Variants in CFAP221 observed in about 807,000 individuals in gnomAD.
CFAP221 encodes cilia- and flagella-associated protein 221.
In CFAP221, 97 loss-of-function variants were observed where a neutral mutation model predicts 113.1. The observed-to-expected ratio is 0.86, with a 90% CI of 0.73 to 1.02. CFAP221 has a LOEUF of 1.02. Among genes scored for constraint, CFAP221 ranks in the 50% least tolerant of loss-of-function variants. CFAP221 has a pLI of 0.00. For missense variants in CFAP221, 1,025 were observed against 1,013.4 expected, an observed-to-expected ratio of 1.01 and a Z score of -0.16; for synonymous variants, 331 against 354.4, an observed-to-expected ratio of 0.93 and a Z score of 0.74.
chr2:119,560,044 G>GGT lies in CFAP221; in HGVS notation c.426+18_426+19insGT. 2.8e-6 allele frequency: 3 copies of GGT among 1,070,642 alleles called. No individual in the cohort carries two copies. Among genetic ancestry groups the GGT allele is most frequent in the Non-Finnish European group, 3.7e-6 (3 of 811,256 alleles). 66.3% of individuals were successfully genotyped at this position (1,070,642 alleles called of 1,614,324 possible). A position where few individuals can be genotyped will look rare whatever the true frequency, so the allele number is the denominator to read the frequency against. On this transcript the variant is annotated intron_variant, in intron 5 of 23. Coordinates refer to ENST00000413369, the MANE Select transcript of CFAP221 (RefSeq NM_001271049.2). Reference sequence around the variant, plus strand: ...ACTGTAAGGTAGGTCTCTTAAAATTGCTTTTTTTTTTTTTTTTTTTTGATG... The same window carrying GGT: ...ACTGTAAGGTAGGTCTCTTAAAATTGGTCTTTTTTTTTTTTTTTTTTTTGATG...
At chr2:119,631,159 C>A in intron 19 of CFAP221, 2 of 908,238 alleles carry the variant, frequency 2.2e-6, no homozygotes, top group South Asian at 9.7e-5. Flanking sequence ...ACATATAGGC[C>A]AAAGAAGAAA....
intron 14 of CFAP221, among the ~76,000 whole-genome samples, chr2:119,619,067 A>C (rs1188297994): frequency 1.3e-5 from 2 of 152,180 alleles, no homozygotes; most frequent in Non-Finnish European, 2.9e-5. Flanking sequence ...GCATCTCTGA[A>C]AGAAAGGCAG....
chr2:119,615,457 A>G (rs1685457782), intron 13 of CFAP221, among the ~76,000 whole-genome samples, 154 bp from the exon 14 acceptor site: 1 of 152,166 alleles, frequency 6.6e-6, no homozygotes, highest in South Asian at 2.1e-4. Flanking sequence ...AATGCTGTGT[A>G]CACTAAAAGT....
intron 13 of CFAP221, among the ~76,000 whole-genome samples, chr2:119,612,101 CAA>C (rs1376729021): frequency 6.6e-6 from 1 of 152,158 alleles, no homozygotes; most frequent in Non-Finnish European, 1.5e-5. Flanking sequence ...AGAAAGGATA[CAA>C]AGTCAGAAGT....
intron 13 of CFAP221, among the ~76,000 whole-genome samples, chr2:119,614,995 ATCT>A (rs901803044): frequency 3.3e-5 from 5 of 152,078 alleles, no homozygotes; most frequent in African/African-American, 1.2e-4. Context: ...TGTATAACTG[ATCT>A]TCTTCCCTCT....
intron 11 of CFAP221, among the ~76,000 whole-genome samples, chr2:119,605,643 G>A (rs1268089029): frequency 1.3e-5 from 2 of 152,170 alleles, no homozygotes; most frequent in African/African-American, 2.4e-5. Context: ...GCCTTGGGCT[G>A]TGTGCCCCAG....
intron 14 of CFAP221, among the ~76,000 whole-genome samples, chr2:119,617,375 G>C (rs186317040): frequency 7.7e-4 from 118 of 152,328 alleles, no homozygotes; most frequent in Non-Finnish European, 1.4e-3. Context: ...GACATGCTCA[G>C]GGCAGGGAGC....
chr2:119,563,261 C>CA (rs1271440821), intron 6 of CFAP221, among the ~76,000 whole-genome samples: 1 of 152,194 alleles, frequency 6.6e-6, no homozygotes, highest in Non-Finnish European at 1.5e-5. Flanking sequence ...ACAATGTAAA[C>CA]ACTATGTAAA....
intron 14 of CFAP221, among the ~76,000 whole-genome samples, chr2:119,616,594 A>G (rs372559247): frequency 2.6e-5 from 4 of 152,170 alleles, no homozygotes; most frequent in African/African-American, 9.7e-5. Flanking sequence ...TATGCCAGTA[A>G]AGGGTGTCAT....
intron 7 of CFAP221, among the ~76,000 whole-genome samples, chr2:119,588,675 TTGTC>T (rs200065973): frequency 0.012 from 1,803 of 152,308 alleles, 17 homozygotes; most frequent in Middle Eastern, 0.027. Context: ...ATGAGATACT[TTGTC>T]TGATTCATCA....
chr2:119,605,120 T>C (rs962210446), intron 10 of CFAP221, 61 bp from the exon 11 acceptor site: 17 of 1,516,758 alleles, frequency 1.1e-5, no homozygotes, highest in Admixed American at 1.7e-5. Context: ...AATGTGTTTT[T>C]CTCTCCGCAC....
intron 6 of CFAP221, among the ~76,000 whole-genome samples, chr2:119,574,665 G>T (rs1482971311): frequency 6.6e-6 from 1 of 152,088 alleles, no homozygotes; most frequent in Non-Finnish European, 1.5e-5. Context: ...TGCTTCTGCT[G>T]CAGCAGCCCA....
At chr2:119,563,343 G>A (rs1681395384) in intron 6 of CFAP221, among the ~76,000 whole-genome samples, 1 of 152,146 alleles carries the variant, frequency 6.6e-6, no homozygotes, top group Non-Finnish European at 1.5e-5. Flanking sequence ...TACAGAGATA[G>A]CCATCCATTG....
intron 5 of CFAP221, among the ~76,000 whole-genome samples, chr2:119,561,144 G>A (rs1211359579): frequency 6.6e-6 from 1 of 151,978 alleles, no homozygotes; most frequent in Admixed American, 6.6e-5. Context: ...CAAAAAATTA[G>A]CCAGGCCTAG....
chr2:119,547,422 G>A (rs1680125494), intron 2 of CFAP221, among the ~76,000 whole-genome samples: 1 of 152,082 alleles, frequency 6.6e-6, no homozygotes, highest in Non-Finnish European at 1.5e-5. Context: ...AGCTGTGTGT[G>A]GTGGCAGGCG....
At chr2:119,641,828 T>C (rs540120824) in intron 21 of CFAP221, among the ~76,000 whole-genome samples, 1 of 152,276 alleles carries the variant, frequency 6.6e-6, no homozygotes, top group South Asian at 2.1e-4. Context: ...AGAACTGACC[T>C]ATGCAGTCAG....
rs747923361 is a variant in CFAP221 at position 119,638,223 on chromosome 2, A to C, written c.1975-36A>C. On this transcript the variant is annotated intron_variant, in intron 19 of 23. Coordinates refer to ENST00000413369, the MANE Select transcript of CFAP221 (RefSeq NM_001271049.2). ...TCCTATGCCTGGCTTAGAAACTGGT[A>C]AACAGAAAAGAATATTTTTTCCCTG... is the stretch of plus-strand genomic sequence containing the variant. 39 of 1,610,130 alleles carry C rather than the reference A, an allele frequency of 2.4e-5. No homozygotes were observed. In the East Asian group the frequency reaches 8.5e-4, roughly 35 times the overall value.
intron 8 of CFAP221, chr2:119,602,668 T>G (rs1396184587): frequency 1.0e-6 from 1 of 985,210 alleles, no homozygotes; most frequent in Non-Finnish European, 1.2e-6. Context: ...ACCCAAATCC[T>G]GCAAATAACC....
intron 14 of CFAP221, among the ~76,000 whole-genome samples, chr2:119,618,188 G>A (rs565560693): frequency 6.6e-6 from 1 of 152,288 alleles, no homozygotes; most frequent in Admixed American, 6.5e-5. Flanking sequence ...CTCCTTGTGG[G>A]CAGGACATTT....
Sources: allele counts gnomAD v4.1 joint callset (sites outside exome capture counted in the v4.1 genomes callset), GRCh38; gene constraint gnomAD v4.1.1; transcripts MANE v1.5; gene names NCBI Gene and HGNC (gene_info 2026-07-23, HGNC 2026-07-21).